RHOBTB3: variants seen among roughly 807,000 people sequenced by gnomAD.
The protein encoded by RHOBTB3 is rho-related BTB domain-containing protein 3.
RHOBTB3 carries 47 observed loss-of-function variants against 67.2 expected under a neutral mutation model. That is an observed-to-expected ratio of 0.70 (90% CI 0.55 to 0.89). The LOEUF is 0.89. Ranked by LOEUF, RHOBTB3 falls within the 40% of genes least tolerant of loss-of-function variation. RHOBTB3 has a pLI of 0.00. For missense variants in RHOBTB3, 631 were observed against 750.0 expected (o/e 0.84, Z 1.85); for synonymous variants, 273 against 274.2 (o/e 1.00, Z 0.04).
At chr5:95,740,743 C>G (rs565656617) in intron 3 of RHOBTB3, among the ~76,000 whole-genome samples, 1 of 152,160 alleles carries the variant, frequency 6.6e-6, no homozygotes, top group Non-Finnish European at 1.5e-5. Flanking sequence ...CAGATCATGG[C>G]GCTCAATGCT....
At chr5:95,763,154 G>T (rs1412885111) in intron 6 of RHOBTB3, among the ~76,000 whole-genome samples, 1 of 152,180 alleles carries the variant, frequency 6.6e-6, no homozygotes, top group Admixed American at 6.5e-5. Context: ...CCTTGGGAAA[G>T]ACCACATCTA....
chr5:95,781,036 G>A (rs940497862), intron 9 of RHOBTB3, among the ~76,000 whole-genome samples: 10 of 152,268 alleles, frequency 6.6e-5, no homozygotes, highest in African/African-American at 2.2e-4. Context: ...ACTGACCAAG[G>A]ACTATCTTTG....
chr5:95,770,062 CA>C, intron 8 of RHOBTB3: 1 of 337,840 alleles, frequency 3.0e-6, no homozygotes. Flanking sequence ...TCATTGGGAC[CA>C]AAGGTGATGC....
At chr5:95,776,238 C>G (rs982319743) in intron 8 of RHOBTB3, among the ~76,000 whole-genome samples, 10 of 151,942 alleles carry the variant, frequency 6.6e-5, no homozygotes, top group African/African-American at 2.4e-4. Flanking sequence ...GAAACCCCAT[C>G]CCTATTAAAA....
chr5:95,751,126 C>G (rs1322206795), intron 4 of RHOBTB3, among the ~76,000 whole-genome samples: 1 of 152,204 alleles, frequency 6.6e-6, no homozygotes, highest in Non-Finnish European at 1.5e-5. Flanking sequence ...TACGTAAATG[C>G]ACCTGAGAGA....
Position 95,780,261 on chromosome 5 carries a change from T to G in RHOBTB3, c.1292T>G (p.Val431Gly), listed in dbSNP as rs1746008153. 5 of 1,613,854 alleles carry G rather than the reference T, an allele frequency of 3.1e-6. No individual in the cohort carries two copies. Among genetic ancestry groups the G allele is most frequent in the Non-Finnish European group, 3.4e-6 (4 of 1,179,774 alleles). The stretch of plus-strand genomic sequence containing the variant: ...CTTTTGAACCTTTCAGGTACGACAG[T>G]GCCAGCCCACAGGGCCATCCTGGTG... ...DVVFEIQGTT[V>G]PAHRAILVAR... The change falls in exon 9 of 12, where the codon GTG becomes GGG. Residue 431 changes from valine to glycine, a missense_variant. Val to Gly is a moderately radical substitution (Grantham distance 109). Transcript: ENST00000379982.
At chr5:95,779,931 G>A (rs914769485) in intron 8 of RHOBTB3, 2 of 285,218 alleles carry the variant, frequency 7.0e-6, no homozygotes, top group South Asian at 1.5e-4. Flanking sequence ...CAAGCCAATT[G>A]GAAAGGATTG....
At chr5:95,784,895 T>C (rs115131478) in intron 10 of RHOBTB3, among the ~76,000 whole-genome samples, 1 of 152,242 alleles carries the variant, frequency 6.6e-6, no homozygotes, top group African/African-American at 2.4e-5. Context: ...CACACTCTTG[T>C]GTACTCAACT....
intron 6 of RHOBTB3, among the ~76,000 whole-genome samples, chr5:95,761,266 C>T (rs569974626): frequency 6.6e-6 from 1 of 151,526 alleles, no homozygotes; most frequent in East Asian, 1.9e-4. Flanking sequence ...ATAAAAAATA[C>T]TTACATGTTC....
chr5:95,760,243 C>A (rs1173571189), intron 6 of RHOBTB3, among the ~76,000 whole-genome samples: 1 of 152,158 alleles, frequency 6.6e-6, no homozygotes, highest in African/African-American at 2.4e-5. Flanking sequence ...ACTACTAATC[C>A]TAAGGAACGA....
intron 2 of RHOBTB3, among the ~76,000 whole-genome samples, chr5:95,735,127 G>T (rs1382026744): frequency 1.3e-5 from 2 of 152,150 alleles, no homozygotes; most frequent in Admixed American, 1.3e-4. Flanking sequence ...TGTGGTTTGG[G>T]ATTTGGCAGT....
At chr5:95,748,595 C>G (rs1217674017) in intron 4 of RHOBTB3, 108 bp downstream of exon 4, 1 of 722,248 alleles carries the variant, frequency 1.4e-6, no homozygotes, top group African/African-American at 1.8e-5. Context: ...GTTTGTCTTA[C>G]TTAACCTTGA....
chr5:95,773,135 A>T (rs756371376), intron 8 of RHOBTB3, among the ~76,000 whole-genome samples: 14 of 152,234 alleles, frequency 9.2e-5, no homozygotes, highest in Non-Finnish European at 1.9e-4. Flanking sequence ...ATGTCATATT[A>T]AAAAAGAGAG....
At chr5:95,762,938 G>A (rs1381334135) in intron 6 of RHOBTB3, among the ~76,000 whole-genome samples, 17 of 152,188 alleles carry the variant, frequency 1.1e-4, no homozygotes, top group Non-Finnish European at 1.5e-5. Context: ...GAAAGGCAAA[G>A]GACAGTGGGG....
At position 95,731,598 on chromosome 5, in the gene RHOBTB3, G is replaced by A. The variant is rs557148836; in HGVS notation, c.-85G>A. ...ACGCGGCCGGGGATGAGCGGATTGCGGGTGAACTCGCCGCCCGGGGGCCCC... is the reference window on the plus strand; with the variant it reads ...ACGCGGCCGGGGATGAGCGGATTGCAGGTGAACTCGCCGCCCGGGGGCCCC... On this transcript the variant is annotated 5_prime_UTR_variant, in exon 1 of 12. Transcript: ENST00000379982. The A allele has an allele frequency of 6.0e-5, 96 of 1,589,030 alleles. No individual in the cohort carries two copies. In the South Asian group the frequency reaches 1.1e-3, roughly 17 times the overall value.
At chr5:95,768,286 T>C in intron 8 of RHOBTB3, 120 bp downstream of exon 8, 2 of 864,914 alleles carry the variant, frequency 2.3e-6, no homozygotes, top group Middle Eastern at 5.4e-4. Context: ...CTGAGGTATG[T>C]AGATTAATAC....
Position 95,788,742 on chromosome 5 carries a change from A to C in RHOBTB3, c.1624-20A>C. On this transcript the variant is annotated intron_variant, in intron 10 of 11. Coordinates refer to ENST00000379982, the MANE Select transcript of RHOBTB3 (RefSeq NM_014899.4). ...TGGCCATTATGTGCAATATTATTTC[A>C]CTTTTCATTTTTCTTGCAGTTTCAC... The C allele has an allele frequency of 6.6e-7, 1 of 1,523,628 alleles. No individual in the cohort carries two copies. Among genetic ancestry groups the C allele is most frequent in the South Asian group, 1.2e-5 (1 of 83,842 alleles). The allele number at this position is 1,523,628 out of a possible 1,614,324, so 94.4% of individuals were successfully genotyped here. A position where few individuals can be genotyped will look rare whatever the true frequency, so the allele number is the denominator to read the frequency against.
intron 7 of RHOBTB3, among the ~76,000 whole-genome samples, chr5:95,766,997 T>C (rs1237949614): frequency 6.6e-6 from 1 of 151,898 alleles, no homozygotes; most frequent in African/African-American, 2.4e-5. Context: ...GGTAGGCGGA[T>C]TGCCTGAGGT....
chr5:95,720,526 G>C (rs942727487), intron 1 of RHOBTB3, among the ~76,000 whole-genome samples: 1 of 152,182 alleles, frequency 6.6e-6, no homozygotes, highest in African/African-American at 2.4e-5. Flanking sequence ...ATTTGTGCCT[G>C]TTTGTGGGTG....
Sources: gnomAD v4.1 joint callset for allele counts (sites outside exome capture counted in the v4.1 genomes callset) on GRCh38, gnomAD v4.1.1 for gene constraint, MANE v1.5 for transcripts, NCBI Gene and HGNC (gene_info 2026-07-23, HGNC 2026-07-21) for gene names.